SV2C: variants seen among roughly 807,000 people sequenced by gnomAD.
The protein encoded by SV2C is solute carrier family 22 member B3.
In SV2C, 49 loss-of-function variants were observed where a neutral mutation model predicts 79.7. The ratio of observed to expected loss-of-function variants is 0.61; its 90% confidence interval spans 0.49 to 0.78. The LOEUF (loss-of-function observed/expected upper bound fraction) is 0.78. Ranked by LOEUF, SV2C falls within the 30% of genes least tolerant of loss-of-function variation. The pLI is 0.00. For synonymous variants in SV2C, 334 were observed against 333.2 expected (o/e 1.00, Z -0.03); for missense variants, 833 against 912.9 (o/e 0.91, Z 1.13).
At chr5:76,247,012 T>A (rs1745965649) in intron 4 of SV2C, among the ~76,000 whole-genome samples, 1 of 152,110 alleles carries the variant, frequency 6.6e-6, no homozygotes, top group Admixed American at 6.6e-5. Context: ...ATCAAAGAAA[T>A]GATTAGGAAT....
intron 4 of SV2C, among the ~76,000 whole-genome samples, chr5:76,238,450 A>G (rs1172079632): frequency 6.6e-6 from 1 of 151,932 alleles, no homozygotes; most frequent in Non-Finnish European, 1.5e-5. Context: ...TGTTCCCTGT[A>G]GTGTCTGTCC....
chr5:76,179,627 G>T (rs113324294), intron 2 of SV2C, among the ~76,000 whole-genome samples: 1 of 152,186 alleles, frequency 6.6e-6, no homozygotes, highest in Non-Finnish European at 1.5e-5. Context: ...GTTTGGGATC[G>T]AGGAGCCCTC....
chr5:75,976,660 G>A, the SV2C span, among the ~76,000 whole-genome samples: 4 of 151,882 alleles, frequency 2.6e-5, no homozygotes, highest in Admixed American at 2.0e-4. Flanking sequence ...CATTTATAAA[G>A]CAGCAACTTA....
intron 6 of SV2C, among the ~76,000 whole-genome samples, chr5:76,289,945 T>G (rs1045665270): frequency 1.3e-5 from 2 of 152,238 alleles, no homozygotes; most frequent in Non-Finnish European, 2.9e-5. Context: ...ATGGTAATTG[T>G]TTGGAGCCAC....
the SV2C span, among the ~76,000 whole-genome samples, chr5:75,899,213 T>C: frequency 6.6e-6 from 1 of 152,242 alleles, no homozygotes; most frequent in African/African-American, 2.4e-5. Context: ...TTTAGTGCTA[T>C]AAATTTCCCT....
intron 12 of SV2C, among the ~76,000 whole-genome samples, chr5:76,311,682 T>C (rs1188384140): frequency 6.6e-6 from 1 of 152,228 alleles, no homozygotes; most frequent in African/African-American, 2.4e-5. Context: ...GAGATTCTTC[T>C]AATAGACATG....
At chr5:76,210,307 A>G (rs538031639) in intron 4 of SV2C, among the ~76,000 whole-genome samples, 10 of 152,298 alleles carry the variant, frequency 6.6e-5, no homozygotes, top group East Asian at 3.9e-4. Context: ...TCAGAGGCCA[A>G]TTGTAAGTCC....
chr5:75,942,464 C>T, the SV2C span, among the ~76,000 whole-genome samples: 4 of 152,120 alleles, frequency 2.6e-5, no homozygotes, highest in Admixed American at 6.6e-5. Context: ...CTGGGATGAG[C>T]GTGGTGGAAC....
chr5:76,029,315 C>T, the SV2C span, among the ~76,000 whole-genome samples: 1 of 152,148 alleles, frequency 6.6e-6, no homozygotes, highest in African/African-American at 2.4e-5. Context: ...TACAATAGAT[C>T]TCTTGAATAT....
chr5:76,079,829 C>G (rs1430398667), upstream of SV2C: 2 of 169,580 alleles, frequency 1.2e-5, no homozygotes, highest in Non-Finnish European at 2.6e-5. Flanking sequence ...ATATGCTGTA[C>G]ATGACATTGA....
rs533205176 is a variant in SV2C at position 76,333,941 on chromosome 5, A to C, written c.*8394A>C. 3.2e-4 allele frequency: 49 copies of C among 150,884 alleles called. No individual in the cohort carries two copies. The highest frequency in any genetic ancestry group is 1.1e-3 in the African/African-American group (46 of 41,170). 9.3% of individuals were successfully genotyped at this position (150,884 alleles called of 1,614,324 possible). On this transcript the variant is annotated 3_prime_UTR_variant, in exon 13 of 13. Coordinates refer to ENST00000502798, the MANE Select transcript of SV2C (RefSeq NM_014979.4). ...TAAAAGAGCATTTTTTTTTTGCTCC[A>C]TTATATTCAAATACAGATTGCTGTG...
the SV2C span, among the ~76,000 whole-genome samples, chr5:75,887,143 C>G: frequency 1.4e-4 from 21 of 152,012 alleles, no homozygotes; most frequent in Non-Finnish European, 2.8e-4. Flanking sequence ...TATATGTATA[C>G]ATTGTGAAAT....
At chr5:76,002,546 C>A in the SV2C span, among the ~76,000 whole-genome samples, 3 of 152,116 alleles carry the variant, frequency 2.0e-5, no homozygotes, top group African/African-American at 4.8e-5. Context: ...CTGTACTCTT[C>A]GAATGGGTAA....
chr5:76,179,303 G>T (rs1743645422), intron 2 of SV2C, among the ~76,000 whole-genome samples: 1 of 152,158 alleles, frequency 6.6e-6, no homozygotes, highest in African/African-American at 2.4e-5. Context: ...GGGCCATTTA[G>T]GGATTCTAGG....
chr5:76,187,532 G>A (rs1476129384), intron 2 of SV2C, among the ~76,000 whole-genome samples: 1 of 152,078 alleles, frequency 6.6e-6, no homozygotes, highest in Non-Finnish European at 1.5e-5. Context: ...GGCTTTTGTG[G>A]TAAATATTCT....
intron 12 of SV2C, among the ~76,000 whole-genome samples, chr5:76,318,756 T>A (rs1748720697): frequency 6.6e-6 from 1 of 152,236 alleles, no homozygotes; most frequent in South Asian, 2.1e-4. Flanking sequence ...GCTGAAGAGA[T>A]GAGAAGCAAA....
the SV2C span, among the ~76,000 whole-genome samples, chr5:76,063,958 T>C: frequency 6.6e-6 from 1 of 151,456 alleles, no homozygotes; most frequent in Non-Finnish European, 1.5e-5. Context: ...TGGATGCCTA[T>C]GAGTTTTGTC....
chr5:76,019,730 G>A, the SV2C span, among the ~76,000 whole-genome samples: 11 of 152,176 alleles, frequency 7.2e-5, no homozygotes, highest in South Asian at 2.3e-3. Context: ...GAGGGAGAGG[G>A]GAAGACAAGA....
chr5:76,086,699 T>C (rs1246844448), intron 1 of SV2C, among the ~76,000 whole-genome samples: 4 of 152,230 alleles, frequency 2.6e-5, no homozygotes, highest in African/African-American at 9.6e-5. Flanking sequence ...GCTTTTTCAA[T>C]CTCTGCACAG....
Sources: allele counts gnomAD v4.1 joint callset (sites outside exome capture counted in the v4.1 genomes callset), GRCh38; gene constraint gnomAD v4.1.1; transcripts MANE v1.5; gene names NCBI Gene and HGNC (gene_info 2026-07-23, HGNC 2026-07-21).